The following XIRP2 variants were observed in gnomAD, a reference collection of about 807,000 sequenced individuals.
XIRP2 encodes xin actin binding repeat containing 2.
XIRP2 carries 236 observed loss-of-function variants against 277.0 expected under a neutral mutation model. That is an observed-to-expected ratio of 0.85 (90% CI 0.77 to 0.95). The LOEUF is 0.95. XIRP2 is among the 40% of genes least tolerant of loss of function. The pLI, the probability that XIRP2 is intolerant of heterozygous loss-of-function variation, is 0.00. For missense variants in XIRP2, 4,640 were observed against 4,157.5 expected, an observed-to-expected ratio of 1.12 and a Z score of -3.19; for synonymous variants, 1,490 against 1,416.5, an observed-to-expected ratio of 1.05 and a Z score of -1.17.
chr2:167,213,893 A>G (rs1274410389), intron 4 of XIRP2, among the ~76,000 whole-genome samples: 1 of 152,064 alleles, frequency 6.6e-6, no homozygotes, highest in Non-Finnish European at 1.5e-5. Context: ...TAGCGTAATG[A>G]TAGTACCAGG....
At chr2:167,010,551 G>A (rs1459527721) in intron 2 of XIRP2, among the ~76,000 whole-genome samples, 6 of 152,004 alleles carry the variant, frequency 3.9e-5, no homozygotes, top group Admixed American at 1.3e-4. Context: ...TTGGCAATGC[G>A]GGCTCTTTTT....
Position 167,050,172 on chromosome 2 carries a change from G to C in XIRP2, c.409-85737G>C, listed in dbSNP as rs571225730. Among the ~76,000 whole-genome samples the C allele has an allele frequency of 1.8e-4, 28 of 152,096 alleles. No individual in the cohort carries two copies. The South Asian group carries it at 5.8e-3, about 32-fold the overall frequency. ...TTTGCTTTCTTATAGTTCTTAAGGT[G>C]TCTACTGACAGTGTAACTGCCACAA... On this transcript the variant is annotated intron_variant, in intron 2 of 10. Transcript: ENST00000409195.
Position 167,102,405 on chromosome 2 carries a change from A to G in XIRP2, c.409-33504A>G, listed in dbSNP as rs73015920. On this transcript the variant is annotated intron_variant, in intron 2 of 10. Coordinates refer to ENST00000409195, the MANE Select transcript of XIRP2 (RefSeq NM_152381.6). The stretch of plus-strand genomic sequence containing the variant: ...ATGTGCCAGCCACTTTCTGTCAAAA[A>G]TAACTGCAAAAATATGCATGTCAGC... Among the ~76,000 whole-genome samples, 715 of 152,326 alleles carry G rather than the reference A, an allele frequency of 4.7e-3. 5 individuals carry two copies. Among genetic ancestry groups the G allele is most frequent in the African/African-American group, 0.017 (697 of 41,568 alleles).
chr2:167,245,038 T>G lies in XIRP2; in HGVS notation c.3646T>G (p.Ser1216Ala). 1.2e-6 allele frequency: 2 copies of G among 1,612,388 alleles called. No homozygotes were observed. Among genetic ancestry groups the G allele is most frequent in the Non-Finnish European group, 1.7e-6 (2 of 1,179,466 alleles). Residue 1216 changes from serine (S) to alanine (A), a missense_variant, in exon 9 of 11, where the codon TCA (serine) becomes GCA (alanine). By Grantham distance (99) the Ser-to-Ala change is moderately conservative. Transcript: ENST00000409195. ...NQSLDSISSS[S>A]EEVLKKIKTL... ...GTCCTTAGATTCTATAAGTTCTAGTTCAGAGGAAGTTTTGAAAAAGATCAA... is the reference window on the plus strand; with the variant it reads ...GTCCTTAGATTCTATAAGTTCTAGTGCAGAGGAAGTTTTGAAAAAGATCAA...
At chr2:166,979,014 GA>G (rs2105430450) in intron 2 of XIRP2, among the ~76,000 whole-genome samples, 2 of 152,190 alleles carry the variant, frequency 1.3e-5, no homozygotes, top group Admixed American at 1.3e-4. Flanking sequence ...TCTATCCCAT[GA>G]CCTTGCTAAA....
chr2:167,208,799 C>G (rs1255360295), intron 3 of XIRP2, among the ~76,000 whole-genome samples: 1 of 152,130 alleles, frequency 6.6e-6, no homozygotes, highest in Non-Finnish European at 1.5e-5. Flanking sequence ...AGAATGGCAT[C>G]TTTTATGGAT....
intron 2 of XIRP2, among the ~76,000 whole-genome samples, chr2:167,036,647 G>A (rs1230753550): frequency 1.3e-5 from 2 of 152,286 alleles, no homozygotes; most frequent in East Asian, 3.9e-4. Flanking sequence ...GCTGAAATGA[G>A]TTAAGACTTC....
Position 167,152,745 on chromosome 2 carries a change from T to C in XIRP2, c.562+16683T>C, listed in dbSNP as rs573134733. Among the ~76,000 whole-genome samples the C allele has an allele frequency of 5.9e-5, 9 of 152,220 alleles. No individual in the cohort carries two copies. In the South Asian group the frequency reaches 1.5e-3, roughly 25 times the overall value. ...ATGCTAGACAGGTGAGCAGTCATTA[T>C]AATAAGGGAACAGAAGCCCATTGAG... On this transcript the variant is annotated intron_variant, in intron 3 of 10. Transcript: ENST00000409195.
At chr2:167,019,030 A>T (rs887868130) in intron 2 of XIRP2, among the ~76,000 whole-genome samples, 1 of 151,996 alleles carries the variant, frequency 6.6e-6, no homozygotes, top group Non-Finnish European at 1.5e-5. Context: ...GAGTTTGCTG[A>T]GTGAATAACT....
chr2:167,056,532 C>A (rs1442329746), intron 2 of XIRP2, among the ~76,000 whole-genome samples: 2 of 152,020 alleles, frequency 1.3e-5, no homozygotes, highest in African/African-American at 4.8e-5. Context: ...TCTTTAGGTC[C>A]TCCAGAAGTT....
intron 3 of XIRP2, among the ~76,000 whole-genome samples, chr2:167,187,978 T>C (rs1190008968): frequency 6.6e-6 from 1 of 152,234 alleles, no homozygotes; most frequent in Non-Finnish European, 1.5e-5. Flanking sequence ...AAGAAATGCA[T>C]GAAAATTATT....
intron 2 of XIRP2, among the ~76,000 whole-genome samples, chr2:167,029,656 C>A (rs1038364054): frequency 6.6e-6 from 1 of 151,838 alleles, no homozygotes; most frequent in Non-Finnish European, 1.5e-5. Flanking sequence ...GGTATATTGG[C>A]GTGAAATTTT....
At position 167,135,924 on chromosome 2, in the gene XIRP2, C is replaced by A; in HGVS notation, c.424C>A (p.Arg142=). ...EYGGKEVEIE[R]SLCSPAFKSH... is the part of the protein sequence containing the mutation. ...CTTGTAACAGGAAGTGGAAATTGAG[C>A]GAAGTTTGTGCTCGCCAGCTTTTAA... Residue 142 remains arginine, a synonymous_variant, in exon 3 of 11, where the codon CGA becomes AGA. Transcript: ENST00000409195. The A allele has an allele frequency of 1.3e-6, 2 of 1,599,558 alleles. No individual in the cohort carries two copies. Among genetic ancestry groups the A allele is most frequent in the Middle Eastern group, 3.3e-4 (2 of 5,976 alleles).
rs113787518 is a variant in XIRP2, at chr2:167,215,976, C to T, written c.724-2190C>T. On this transcript the variant is annotated intron_variant, in intron 4 of 10. Coordinates refer to ENST00000409195, the MANE Select transcript of XIRP2 (RefSeq NM_152381.6). The stretch of plus-strand genomic sequence containing the variant: ...AGAACAGAGCCCTCAGAAATAACGC[C>T]GCATACCTACAACTATCTGATCTTT... 1.5e-3 allele frequency among the ~76,000 whole-genome samples: 228 copies of T among 151,654 alleles called. 2 individuals carry two copies. Among genetic ancestry groups the T allele is most frequent in the African/African-American group, 5.0e-3 (207 of 41,312 alleles).
intron 1 of XIRP2, among the ~76,000 whole-genome samples, chr2:166,892,374 T>G (rs569070803): frequency 6.6e-6 from 1 of 152,192 alleles, no homozygotes; most frequent in South Asian, 2.1e-4. Flanking sequence ...ACAGAGCAGG[T>G]AGAAATCACA....
chr2:167,022,332 G>A lies in XIRP2; in HGVS notation c.409-113577G>A, dbSNP rs575530252. Among the ~76,000 whole-genome samples, 7 of 152,160 alleles carry A rather than the reference G, an allele frequency of 4.6e-5. No homozygotes were observed. In the South Asian group the frequency reaches 1.2e-3, roughly 27 times the overall value. On this transcript the variant is annotated intron_variant, in intron 2 of 10. Transcript: ENST00000409195. ...AGCAGGAAAATTGAGAGTCATTTAT[G>A]CAATACATGCTAAAGACACAATGAT...
At chr2:166,941,046 G>A (rs1685695839) in intron 2 of XIRP2, among the ~76,000 whole-genome samples, 1 of 152,168 alleles carries the variant, frequency 6.6e-6, no homozygotes, top group African/African-American at 2.4e-5. Context: ...CCGAGAGGTG[G>A]AGTCTACAGA....
chr2:166,957,571 T>G (rs1686193260), intron 2 of XIRP2, among the ~76,000 whole-genome samples: 1 of 151,754 alleles, frequency 6.6e-6, no homozygotes, highest in African/African-American at 2.4e-5. Flanking sequence ...ACACATAAAT[T>G]TAGTGCTATG....
In XIRP2 at chr2:167,246,221, T is replaced by A; in HGVS notation, c.4829T>A (p.Val1610Glu). Reference sequence around the variant, plus strand: ...AGGGCTGATCTCAGAAATATAATGGTGAACCTACTTTCCAAAAGGGACTGT... The same window carrying A: ...AGGGCTGATCTCAGAAATATAATGGAGAACCTACTTTCCAAAAGGGACTGT... ...IIRADLRNIMVNLLSKRDCTE... is the reference protein window; with the variant it reads ...IIRADLRNIMENLLSKRDCTE... The change falls in exon 9 of 11, where the codon GTG becomes GAG. Residue 1610 changes from valine to glutamate, a missense_variant. Val to Glu is a moderately radical substitution (Grantham distance 121). Coordinates refer to ENST00000409195, the MANE Select transcript of XIRP2 (RefSeq NM_152381.6). 6.2e-7 allele frequency: 1 copy of A among 1,613,334 alleles called. No individual in the cohort carries two copies. The highest frequency in any genetic ancestry group is 8.5e-7 in the Non-Finnish European group (1 of 1,179,726).
Sources: gnomAD v4.1 joint callset for allele counts (sites outside exome capture counted in the v4.1 genomes callset) on GRCh38, gnomAD v4.1.1 for gene constraint, MANE v1.5 for transcripts, NCBI Gene and HGNC (gene_info 2026-07-23, HGNC 2026-07-21) for gene names.